Variants in PRKCA observed in about 807,000 individuals in gnomAD.
PRKCA encodes the protein protein kinase C alpha type.
In PRKCA, 27 loss-of-function variants were observed where a neutral mutation model predicts 87.0. The ratio of observed to expected loss-of-function variants is 0.31; its 90% confidence interval spans 0.23 to 0.43. The LOEUF (loss-of-function observed/expected upper bound fraction) is 0.43, where lower values mean the gene tolerates loss of function less well. PRKCA is among the 20% of genes least tolerant of loss of function. The pLI, the probability that PRKCA is intolerant of heterozygous loss-of-function variation, is 1.00. For missense variants in PRKCA, 518 were observed against 852.3 expected (o/e 0.61, Z 4.88); for synonymous variants, 329 against 311.1 (o/e 1.06, Z -0.61).
chr17:66,624,857 GA>G (rs1277198377), intron 3 of PRKCA, among the ~76,000 whole-genome samples: 1 of 151,756 alleles, frequency 6.6e-6, no homozygotes, highest in Non-Finnish European at 1.5e-5. Context: ...TGCATCATTA[GA>G]AAAAAATTAT....
intron 8 of PRKCA, among the ~76,000 whole-genome samples, chr17:66,710,599 T>C (rs1323261335): frequency 6.6e-6 from 1 of 152,134 alleles, no homozygotes; most frequent in Non-Finnish European, 1.5e-5. Flanking sequence ...TTCTGGTAGC[T>C]TGAATCTCAC....
intron 13 of PRKCA, among the ~76,000 whole-genome samples, chr17:66,751,825 C>T (rs968602171): frequency 9.9e-5 from 15 of 152,034 alleles, no homozygotes; most frequent in African/African-American, 3.6e-4. Flanking sequence ...ACAATCATGG[C>T]GGAAGGGGAA....
At chr17:66,594,684 C>G (rs1969920164) in intron 3 of PRKCA, among the ~76,000 whole-genome samples, 1 of 152,092 alleles carries the variant, frequency 6.6e-6, no homozygotes, top group African/African-American at 2.4e-5. Context: ...AAATGACTTC[C>G]CAGTTCCTGG....
At chr17:66,520,733 C>CTT (rs571814787) in intron 3 of PRKCA, among the ~76,000 whole-genome samples, 3 of 152,160 alleles carry the variant, frequency 2.0e-5, no homozygotes, top group Non-Finnish European at 4.4e-5. Flanking sequence ...GTTGGCCACA[C>CTT]TTTTCTACTC....
chr17:66,314,617 C>T (rs1303155003), intron 2 of PRKCA, among the ~76,000 whole-genome samples: 5 of 152,096 alleles, frequency 3.3e-5, no homozygotes, highest in African/African-American at 7.2e-5. Context: ...CCATCTGTCC[C>T]GTCCACGGTG....
At chr17:66,765,140 A>G (rs936032690) in intron 13 of PRKCA, among the ~76,000 whole-genome samples, 1 of 152,126 alleles carries the variant, frequency 6.6e-6, no homozygotes, top group Non-Finnish European at 1.5e-5. Flanking sequence ...AAGGCCAGGC[A>G]TGGTGGCTCA....
At chr17:66,414,302 C>T (rs576635648) in intron 2 of PRKCA, among the ~76,000 whole-genome samples, 4 of 152,192 alleles carry the variant, frequency 2.6e-5, no homozygotes, top group South Asian at 2.1e-4. Context: ...GAGATCTGGT[C>T]GTTTAAAAGT....
intron 13 of PRKCA, among the ~76,000 whole-genome samples, chr17:66,755,551 A>C (rs1243661247): frequency 6.6e-6 from 1 of 152,090 alleles, no homozygotes; most frequent in Non-Finnish European, 1.5e-5. Flanking sequence ...TATTTTATTG[A>C]AGGTTGTTCT....
At chr17:66,639,230 G>A (rs1345219626) in intron 3 of PRKCA, 1 of 152,210 alleles carries the variant, frequency 6.6e-6, no homozygotes, top group Admixed American at 6.5e-5. Flanking sequence ...GGTACATGTT[G>A]AATATGAAAT....
intron 3 of PRKCA, among the ~76,000 whole-genome samples, chr17:66,575,023 G>A (rs1043109089): frequency 1.3e-5 from 2 of 152,158 alleles, no homozygotes; most frequent in Non-Finnish European, 2.9e-5. Flanking sequence ...GTAATTTCCA[G>A]CTTCTCTTTG....
At chr17:66,669,362 C>T (rs1248693559) in intron 5 of PRKCA, among the ~76,000 whole-genome samples, 1 of 151,926 alleles carries the variant, frequency 6.6e-6, no homozygotes, top group African/African-American at 2.4e-5. Flanking sequence ...TGCAAGAATC[C>T]TGGGAAGCTC....
intron 13 of PRKCA, among the ~76,000 whole-genome samples, chr17:66,759,431 G>C (rs1780831889): frequency 6.6e-6 from 1 of 150,466 alleles, no homozygotes; most frequent in African/African-American, 2.4e-5. Flanking sequence ...ACTAAGAAAA[G>C]GAAAAAAGGA....
intron 8 of PRKCA, among the ~76,000 whole-genome samples, chr17:66,699,619 G>A (rs143023527): frequency 1.1e-4 from 16 of 152,332 alleles, no homozygotes; most frequent in African/African-American, 2.9e-4. Context: ...ACAAGGTCTC[G>A]CTCTGTTGCC....
intron 8 of PRKCA, among the ~76,000 whole-genome samples, chr17:66,716,349 A>C (rs989864150): frequency 6.6e-6 from 1 of 152,156 alleles, no homozygotes; most frequent in African/African-American, 2.4e-5. Context: ...AAAAATGATT[A>C]AGTGCCCAAA....
intron 8 of PRKCA, among the ~76,000 whole-genome samples, chr17:66,714,962 G>A (rs1303471669): frequency 6.6e-6 from 1 of 152,210 alleles, no homozygotes; most frequent in Non-Finnish European, 1.5e-5. Context: ...AAGGCTCAGT[G>A]AGGGTAGGAT....
intron 3 of PRKCA, among the ~76,000 whole-genome samples, chr17:66,574,055 A>G (rs1429751701): frequency 6.6e-6 from 1 of 152,256 alleles, no homozygotes; most frequent in Non-Finnish European, 1.5e-5. Flanking sequence ...TAATGAAATC[A>G]CAACACCCAG....
chr17:66,640,689 T>A (rs1049516069), intron 3 of PRKCA, among the ~76,000 whole-genome samples: 1 of 152,222 alleles, frequency 6.6e-6, no homozygotes, highest in Admixed American at 6.5e-5. Context: ...TTGTGTCTAC[T>A]CGTGCCCCAG....
intron 13 of PRKCA, among the ~76,000 whole-genome samples, chr17:66,773,483 C>G (rs1380614812): frequency 1.3e-5 from 2 of 149,396 alleles, no homozygotes; most frequent in African/African-American, 4.9e-5. Context: ...TCTGAATGAC[C>G]TCTGGCTTTT....
chr17:66,629,575 G>C (rs1970954093), intron 3 of PRKCA, among the ~76,000 whole-genome samples: 2 of 152,196 alleles, frequency 1.3e-5, no homozygotes, highest in South Asian at 4.1e-4. Context: ...TACAGGGCTG[G>C]CAGAGGTTTG....
Sources: gnomAD v4.1 joint callset for allele counts (sites outside exome capture counted in the v4.1 genomes callset) on GRCh38, gnomAD v4.1.1 for gene constraint, MANE v1.5 for transcripts, NCBI Gene and HGNC (gene_info 2026-07-23, HGNC 2026-07-21) for gene names.